The following GRIA4 variants were observed in gnomAD, a reference collection of about 807,000 sequenced individuals.
The protein encoded by GRIA4 is glutamate receptor 4.
In GRIA4, 34 loss-of-function variants were observed where a neutral mutation model predicts 104.0. That is an observed-to-expected ratio of 0.33 (90% CI 0.25 to 0.44). GRIA4 has a LOEUF of 0.44. Ranked by LOEUF, GRIA4 falls within the 20% of genes least tolerant of loss-of-function variation. The pLI is 1.00. For missense variants in GRIA4, 750 were observed against 1,096.5 expected, an observed-to-expected ratio of 0.68 and a Z score of 4.46; for synonymous variants, 386 against 381.9, an observed-to-expected ratio of 1.01 and a Z score of -0.13.
intron 4 of GRIA4, among the ~76,000 whole-genome samples, chr11:105,848,687 T>C (rs1944684347): frequency 6.6e-6 from 1 of 152,128 alleles, no homozygotes; most frequent in African/African-American, 2.4e-5. Flanking sequence ...TGCTTAATAA[T>C]GCAACTGCTT....
chr11:105,928,703 C>A (rs1007491762), intron 13 of GRIA4, among the ~76,000 whole-genome samples: 1 of 151,988 alleles, frequency 6.6e-6, no homozygotes, highest in Non-Finnish European at 1.5e-5. Flanking sequence ...GCTCATCATT[C>A]TGCCTTGAGT....
intron 4 of GRIA4, among the ~76,000 whole-genome samples, chr11:105,797,065 C>T (rs1942507040): frequency 6.6e-6 from 1 of 151,782 alleles, no homozygotes; most frequent in Non-Finnish European, 1.5e-5. Context: ...AATAAAAAGT[C>T]CGGCATGGTG....
intron 3 of GRIA4, among the ~76,000 whole-genome samples, chr11:105,728,057 C>T (rs1052722190): frequency 2.6e-5 from 4 of 152,086 alleles, no homozygotes; most frequent in African/African-American, 9.7e-5. Context: ...GGGCTAAATG[C>T]CCCAATTAAA....
chr11:105,746,677 A>T (rs1030627483), intron 3 of GRIA4, among the ~76,000 whole-genome samples: 3 of 152,180 alleles, frequency 2.0e-5, no homozygotes, highest in Non-Finnish European at 4.4e-5. Flanking sequence ...TAACATTAGC[A>T]TAATTATTAA....
rs150075125 is a variant in GRIA4 at position 105,905,403 on chromosome 11, T to C, written c.1158+102T>C. Reference sequence around the variant, plus strand: ...AAAGATGGCTGAACATTTCCTTTTTTTGTGAGTACTTACAAATACTTTAGT... The same window carrying C: ...AAAGATGGCTGAACATTTCCTTTTTCTGTGAGTACTTACAAATACTTTAGT... On this transcript the variant is annotated intron_variant, in intron 9 of 16. Coordinates refer to ENST00000282499, the MANE Select transcript of GRIA4 (RefSeq NM_000829.4). 1.6e-4 allele frequency: 106 copies of C among 651,848 alleles called. No homozygotes were observed. In the African/African-American group the frequency reaches 1.8e-3, roughly 11 times the overall value. The allele number at this position is 651,848 out of a possible 1,614,324, so 40.4% of individuals were successfully genotyped here.
At position 105,837,670 on chromosome 11, in the gene GRIA4, A is replaced by T. The variant is rs143632850; in HGVS notation, c.488-24354A>T. ...AACTCAATGAGGATTTAATGAGGTT[A>T]TTTCATACTACTATAAAGTAACTTC... On this transcript the variant is annotated intron_variant, in intron 4 of 16. Transcript: ENST00000282499. Among the ~76,000 whole-genome samples the T allele has an allele frequency of 2.8e-3, 431 of 152,276 alleles. 1 individual carries two copies. Among genetic ancestry groups the T allele is most frequent in the African/African-American group, 9.9e-3 (413 of 41,562 alleles).
At chr11:105,784,335 G>A (rs1439003479) in intron 4 of GRIA4, among the ~76,000 whole-genome samples, 1 of 152,172 alleles carries the variant, frequency 6.6e-6, no homozygotes, top group Non-Finnish European at 1.5e-5. Context: ...TTCAAAAGCA[G>A]TTTCTGTAAA....
chr11:105,727,674 T>C (rs1300495510), intron 3 of GRIA4, among the ~76,000 whole-genome samples: 1 of 151,968 alleles, frequency 6.6e-6, no homozygotes, highest in African/African-American at 2.4e-5. Flanking sequence ...TAACAGCAGA[T>C]CTCTACGCAG....
chr11:105,622,061 C>T (rs1950761958), intron 3 of GRIA4, among the ~76,000 whole-genome samples: 1 of 151,782 alleles, frequency 6.6e-6, no homozygotes, highest in South Asian at 2.1e-4. Flanking sequence ...TAGAAATTAA[C>T]CCTTTGTCAT....
At chr11:105,803,294 T>C (rs972348559) in intron 4 of GRIA4, among the ~76,000 whole-genome samples, 5 of 151,936 alleles carry the variant, frequency 3.3e-5, no homozygotes, top group African/African-American at 1.2e-4. Context: ...ATTAGTTCCA[T>C]GTTAGAGAGA....
chr11:105,863,902 A>AT (rs1472624253), intron 5 of GRIA4, among the ~76,000 whole-genome samples: 1 of 152,200 alleles, frequency 6.6e-6, no homozygotes, highest in African/African-American at 2.4e-5. Context: ...GGTGCTTTGG[A>AT]TAAACTCTGA....
At chr11:105,747,533 T>G (rs947362663) in intron 3 of GRIA4, among the ~76,000 whole-genome samples, 22 of 152,258 alleles carry the variant, frequency 1.4e-4, no homozygotes, top group African/African-American at 5.3e-4. Flanking sequence ...ATTATTCAGA[T>G]GGAGTATGGA....
At chr11:105,735,218 G>GA (rs201579665) in intron 3 of GRIA4, among the ~76,000 whole-genome samples, 9 of 149,124 alleles carry the variant, frequency 6.0e-5, no homozygotes, top group Admixed American at 2.0e-4. Flanking sequence ...AACATTATCA[G>GA]AAAAAAAAAG....
chr11:105,675,748 T>G (rs1181500161), intron 3 of GRIA4, among the ~76,000 whole-genome samples: 2 of 151,940 alleles, frequency 1.3e-5, no homozygotes, highest in East Asian at 1.9e-4. Flanking sequence ...AGTGCTTTTA[T>G]TACTTCAGAA....
intron 3 of GRIA4, among the ~76,000 whole-genome samples, chr11:105,740,121 G>A (rs1340533573): frequency 6.6e-6 from 1 of 152,182 alleles, no homozygotes; most frequent in Non-Finnish European, 1.5e-5. Flanking sequence ...GGCATTTTGT[G>A]TCAAGTGTAA....
chr11:105,925,763 G>A (rs984556755), intron 12 of GRIA4, among the ~76,000 whole-genome samples: 2 of 152,050 alleles, frequency 1.3e-5, no homozygotes, highest in African/African-American at 4.8e-5. Context: ...CCCAATAGGT[G>A]TCTCTTTTAT....
At chr11:105,936,276 G>A (rs1948032858) in intron 14 of GRIA4, among the ~76,000 whole-genome samples, 1 of 152,190 alleles carries the variant, frequency 6.6e-6, no homozygotes, top group Non-Finnish European at 1.5e-5. Context: ...GTTTGTAGAA[G>A]CAAATTCAAA....
At chr11:105,945,532 G>C in intron 14 of GRIA4, 1 of 825,080 alleles carries the variant, frequency 1.2e-6, no homozygotes, top group Non-Finnish European at 1.5e-6. Context: ...CAAAAGAATG[G>C]CTTCCATCCA....
chr11:105,818,555 C>A (rs748725619), intron 4 of GRIA4, among the ~76,000 whole-genome samples: 5 of 152,098 alleles, frequency 3.3e-5, no homozygotes, highest in Non-Finnish European at 5.9e-5. Context: ...AGAGATAATT[C>A]AGATGGATAG....
Sources: allele counts gnomAD v4.1 joint callset (sites outside exome capture counted in the v4.1 genomes callset), GRCh38; gene constraint gnomAD v4.1.1; transcripts MANE v1.5; gene names NCBI Gene and HGNC (gene_info 2026-07-23, HGNC 2026-07-21).